SH3RF3: variants seen among roughly 807,000 people sequenced by gnomAD.
The protein encoded by SH3RF3 is SH3 domain containing ring finger 3.
Under a neutral mutation model 66.3 loss-of-function variants are expected in SH3RF3, and 29 were observed. That is an observed-to-expected ratio of 0.44 (90% CI 0.33 to 0.60). SH3RF3 has a LOEUF of 0.60. SH3RF3 is among the 20% of genes least tolerant of loss of function. The probability of loss-of-function intolerance (pLI) is 0.04; values close to 1 mark genes in which losing one functional copy is unlikely to be tolerated. For missense variants in SH3RF3, 1,194 were observed against 1,190.9 expected (o/e 1.00, Z -0.04); for synonymous variants, 583 against 532.0 (o/e 1.10, Z -1.32).
At chr2:109,250,637 A>G (rs1368028222) in intron 1 of SH3RF3, among the ~76,000 whole-genome samples, 1 of 152,078 alleles carries the variant, frequency 6.6e-6, no homozygotes, top group East Asian at 1.9e-4. Context: ...TTCCTGGGCT[A>G]AATTTAGAAA....
chr2:109,166,492 C>T (rs1293395116), intron 1 of SH3RF3, among the ~76,000 whole-genome samples: 2 of 151,296 alleles, frequency 1.3e-5, no homozygotes, highest in African/African-American at 4.8e-5. Context: ...AGATGCCCTT[C>T]ACCTCTATGT....
intron 1 of SH3RF3, among the ~76,000 whole-genome samples, chr2:109,295,029 T>G (rs1681276033): frequency 6.6e-6 from 1 of 152,262 alleles, no homozygotes; most frequent in Admixed American, 6.5e-5. Context: ...GCCATCGCTA[T>G]GAATTCTCAG....
Position 109,457,848 on chromosome 2 carries a change from C to T in SH3RF3, c.2148+8359C>T, listed in dbSNP as rs545239255. Among the ~76,000 whole-genome samples the T allele has an allele frequency of 1.8e-4, 27 of 152,242 alleles. 1 individual carries two copies. Among genetic ancestry groups the T allele is most frequent in the African/African-American group, 6.3e-4 (26 of 41,530 alleles). On this transcript the variant is annotated intron_variant, in intron 8 of 9. Transcript: ENST00000309415. The stretch of plus-strand genomic sequence containing the variant: ...ATAAACTACATCAGAAGGTAATGCC[C>T]ACACATCAGACCCAGCCGTCTGTCC...
At chr2:109,407,083 C>T (rs185210247) in intron 4 of SH3RF3, among the ~76,000 whole-genome samples, 1 of 152,294 alleles carries the variant, frequency 6.6e-6, no homozygotes, top group Non-Finnish European at 1.5e-5. Flanking sequence ...CTAATACTGC[C>T]CATGAGTGTC....
intron 1 of SH3RF3, among the ~76,000 whole-genome samples, chr2:109,299,706 A>C (rs1243660871): frequency 6.6e-6 from 1 of 152,172 alleles, no homozygotes; most frequent in Non-Finnish European, 1.5e-5. Context: ...CTAAATAATC[A>C]GGGGGATAAA....
At chr2:109,131,029 T>A (rs1471696422) in intron 1 of SH3RF3, among the ~76,000 whole-genome samples, 1 of 152,244 alleles carries the variant, frequency 6.6e-6, no homozygotes, top group Non-Finnish European at 1.5e-5. Context: ...ATACATTATC[T>A]ATTGGAATAA....
chr2:109,352,048 G>T (rs1682849875), intron 2 of SH3RF3, among the ~76,000 whole-genome samples: 1 of 152,142 alleles, frequency 6.6e-6, no homozygotes, highest in Non-Finnish European at 1.5e-5. Flanking sequence ...TCAAATCATG[G>T]CACGTTTCTT....
intron 2 of SH3RF3, among the ~76,000 whole-genome samples, chr2:109,355,782 T>C (rs908106151): frequency 6.6e-6 from 1 of 152,192 alleles, no homozygotes; most frequent in Admixed American, 6.5e-5. Context: ...CTTGCCGTCT[T>C]CATATACAAA....
chr2:109,439,431 A>G (rs989992638), intron 7 of SH3RF3, among the ~76,000 whole-genome samples: 3 of 152,072 alleles, frequency 2.0e-5, no homozygotes, highest in Non-Finnish European at 2.9e-5. Context: ...TTAGAGAGAG[A>G]AAAAACACTG....
At chr2:109,280,074 G>A (rs1003809776) in intron 1 of SH3RF3, among the ~76,000 whole-genome samples, 1 of 151,974 alleles carries the variant, frequency 6.6e-6, no homozygotes, top group Non-Finnish European at 1.5e-5. Flanking sequence ...TATTTTTTTC[G>A]ATCCCAGAGA....
intron 5 of SH3RF3, among the ~76,000 whole-genome samples, chr2:109,431,300 A>G (rs1182919800): frequency 1.3e-5 from 2 of 152,156 alleles, no homozygotes; most frequent in African/African-American, 2.4e-5. Flanking sequence ...ATTAACATTC[A>G]TCTTTGGTCT....
chr2:109,338,532 G>A (rs749843007), intron 1 of SH3RF3, among the ~76,000 whole-genome samples: 1 of 151,786 alleles, frequency 6.6e-6, no homozygotes, highest in East Asian at 1.9e-4. Context: ...AACAACCCCC[G>A]GCACAGTCAA....
intron 1 of SH3RF3, among the ~76,000 whole-genome samples, chr2:109,252,871 GGTATT>G (rs754825574): frequency 3.3e-5 from 5 of 152,084 alleles, no homozygotes; most frequent in Non-Finnish European, 7.3e-5. Flanking sequence ...GTACAGTTTG[GGTATT>G]GTATTGTACC....
At chr2:109,500,777 C>T (rs1483939408) in intron 9 of SH3RF3, among the ~76,000 whole-genome samples, 1 of 151,964 alleles carries the variant, frequency 6.6e-6, no homozygotes, top group East Asian at 1.9e-4. Flanking sequence ...AGCAAGACCC[C>T]ATCTCTACAA....
chr2:109,463,978 G>A (rs1234687609), intron 8 of SH3RF3, among the ~76,000 whole-genome samples: 1 of 152,200 alleles, frequency 6.6e-6, no homozygotes, highest in Non-Finnish European at 1.5e-5. Flanking sequence ...GTCACCAGGA[G>A]AGGAAGGATA....
At chr2:109,467,248 CTGA>C (rs1223141892) in intron 8 of SH3RF3, among the ~76,000 whole-genome samples, 1 of 152,258 alleles carries the variant, frequency 6.6e-6, no homozygotes, top group African/African-American at 2.4e-5. Flanking sequence ...TGCCAATCAG[CTGA>C]TGAATGCATG....
intron 4 of SH3RF3, among the ~76,000 whole-genome samples, chr2:109,400,973 C>G (rs932198117): frequency 6.6e-6 from 1 of 152,210 alleles, no homozygotes; most frequent in Admixed American, 6.5e-5. Flanking sequence ...TCTTGAGCAC[C>G]TCCTATTTGG....
intron 1 of SH3RF3, among the ~76,000 whole-genome samples, chr2:109,294,781 G>T (rs1157191982): frequency 6.6e-6 from 1 of 152,102 alleles, no homozygotes; most frequent in Non-Finnish European, 1.5e-5. Flanking sequence ...TGGGAGGATG[G>T]CTCCAAGTGA....
In SH3RF3 at chr2:109,397,190, G is replaced by A. The variant is rs140910095; in HGVS notation, c.946-1400G>A. Among the ~76,000 whole-genome samples, 752 of 152,198 alleles carry A rather than the reference G, an allele frequency of 4.9e-3. 4 individuals carry two copies. The highest frequency in any genetic ancestry group is 0.017 in the African/African-American group (696 of 41,530). ...AACCACTCCACCCTGCTCAGTTTCC[G>A]CTTGGTGAGGAGAAAACTCAGAGAC... On this transcript the variant is annotated intron_variant, in intron 3 of 9. Transcript: ENST00000309415.
Sources: gnomAD v4.1 joint callset for allele counts (sites outside exome capture counted in the v4.1 genomes callset) on GRCh38, gnomAD v4.1.1 for gene constraint, MANE v1.5 for transcripts, NCBI Gene and HGNC (gene_info 2026-07-23, HGNC 2026-07-21) for gene names.